The following SLC2A9 variants were observed in gnomAD, a reference collection of about 807,000 sequenced individuals.
The protein encoded by SLC2A9 is solute carrier family 2, facilitated glucose transporter member 9.
In SLC2A9, 39 loss-of-function variants were observed where a neutral mutation model predicts 50.6. That is an observed-to-expected ratio of 0.77 (90% CI 0.60 to 1.01). The LOEUF is 1.01. SLC2A9 is among the 50% of genes least tolerant of loss of function. The probability of loss-of-function intolerance (pLI) is 0.00; values close to 1 mark genes in which losing one functional copy is unlikely to be tolerated. For missense variants in SLC2A9, 686 were observed against 677.6 expected (o/e 1.01, Z -0.14); for synonymous variants, 324 against 276.9 (o/e 1.17, Z -1.69).
Position 9,783,655 on chromosome 4 carries a change from C to T in SLC2A9, n.386-3590G>A, listed in dbSNP as rs1005601977. On this transcript the variant is annotated intron_variant and non_coding_transcript_variant, in intron 3 of 3. Transcript: ENST00000503803. ...AATTGGCAGAAGCAGTTGCAATAAA[C>T]TCAGTCAAATGTACCCAGCCTACCA... is the stretch of plus-strand genomic sequence containing the variant. 8.1e-6 allele frequency: 5 copies of T among 620,352 alleles called. No individual in the cohort carries two copies. The African/African-American group carries it at 9.3e-5, about 12-fold the overall frequency. The allele number at this position is 620,352 out of a possible 1,614,324, so 38.4% of individuals were successfully genotyped here.
chr4:9,932,675 C>T (rs1442665251), intron 6 of SLC2A9, among the ~76,000 whole-genome samples: 1 of 152,190 alleles, frequency 6.6e-6, no homozygotes, highest in Non-Finnish European at 1.5e-5. Context: ...TGCACAGGTG[C>T]TGAGATGAAA....
upstream of SLC2A9, chr4:10,026,108 G>C (rs1271978892): frequency 1.3e-6 from 1 of 789,920 alleles, no homozygotes; most frequent in African/African-American, 1.7e-5. Flanking sequence ...TTGCTGTGAG[G>C]AGCTCTGGCT....
intron 3 of SLC2A9, among the ~76,000 whole-genome samples, chr4:9,784,823 G>T (rs1719012667): frequency 6.6e-6 from 1 of 152,200 alleles, no homozygotes; most frequent in Admixed American, 6.5e-5. Context: ...CTGCTTTGAA[G>T]CCGTTTTATC....
intron 8 of SLC2A9, among the ~76,000 whole-genome samples, chr4:9,893,634 C>T (rs924970690): frequency 6.6e-6 from 1 of 152,080 alleles, no homozygotes; most frequent in African/African-American, 2.4e-5. Flanking sequence ...TAAAGCATCC[C>T]TTCCTCTTAG....
intron 3 of SLC2A9, chr4:9,781,572 C>G (rs1385397348): frequency 6.6e-6 from 1 of 151,530 alleles, no homozygotes; most frequent in Non-Finnish European, 1.4e-5. Context: ...GGGAGTCGAG[C>G]GCGGAGGCTC....
At chr4:9,931,944 C>CAATCTCTCTCTCTCTCTA (rs374198516) in intron 6 of SLC2A9, among the ~76,000 whole-genome samples, 1 of 52,730 alleles carries the variant, frequency 1.9e-5, no homozygotes, top group Non-Finnish European at 3.3e-5. Context: ...CTCTCTCTCT[C>CAATCTCTCTCTCTCTCTA]TCTCTCTCTC....
At chr4:9,965,229 C>G (rs1752876751) in intron 5 of SLC2A9, among the ~76,000 whole-genome samples, 1 of 152,186 alleles carries the variant, frequency 6.6e-6, no homozygotes, top group Admixed American at 6.5e-5. Context: ...GTGTGGGGAG[C>G]TGTGATGCAG....
At chr4:9,957,306 C>T (rs936696871) in intron 5 of SLC2A9, among the ~76,000 whole-genome samples, 1 of 152,114 alleles carries the variant, frequency 6.6e-6, no homozygotes, top group African/African-American at 2.4e-5. Context: ...AGAATCCAAA[C>T]CTCCAAAGAG....
At chr4:9,875,284 C>T (rs62293278) in intron 10 of SLC2A9, among the ~76,000 whole-genome samples, 1 of 133,270 alleles carries the variant, frequency 7.5e-6, no homozygotes, top group Admixed American at 7.4e-5. Flanking sequence ...ATAGGTTACT[C>T]TCTGTCTAAG....
At chr4:10,010,243 T>C (rs1441858391) in intron 2 of SLC2A9, among the ~76,000 whole-genome samples, 1 of 152,206 alleles carries the variant, frequency 6.6e-6, no homozygotes, top group African/African-American at 2.4e-5. Context: ...GCTTCCCTGG[T>C]AGACAACACT....
Position 9,853,172 on chromosome 4 carries a change from T to C in SLC2A9, c.1292-18164A>G, listed in dbSNP as rs1240155889. On this transcript the variant is annotated intron_variant, in intron 10 of 11. Coordinates refer to ENST00000264784, the MANE Select transcript of SLC2A9 (RefSeq NM_020041.3). ...GCCTGGGCAACAGAGTGAAACTCCCTCTCAAAAAAAAAAAAAAAAAAGGCA... is the reference window on the plus strand; with the variant it reads ...GCCTGGGCAACAGAGTGAAACTCCCCCTCAAAAAAAAAAAAAAAAAAGGCA... Among the ~76,000 whole-genome samples the C allele has an allele frequency of 1.3e-3, 144 of 114,142 alleles. 1 individual carries two copies. Among genetic ancestry groups the C allele is most frequent in the African/African-American group, 5.0e-3 (126 of 25,134 alleles). 74.9% of individuals were successfully genotyped at this position (114,142 alleles called of 152,430 possible).
At chr4:9,945,640 C>A (rs1001045135) in intron 5 of SLC2A9, among the ~76,000 whole-genome samples, 2 of 152,110 alleles carry the variant, frequency 1.3e-5, no homozygotes, top group Non-Finnish European at 2.9e-5. Flanking sequence ...TACCTAGTGA[C>A]CAGGGAGGAG....
downstream of SLC2A9, among the ~76,000 whole-genome samples, chr4:9,795,464 C>T (rs1375431141): frequency 6.6e-6 from 1 of 152,130 alleles, no homozygotes; most frequent in Non-Finnish European, 1.5e-5. Context: ...TTTGGTGATT[C>T]ATGATCAATC....
At chr4:9,776,531 G>A (rs1717592003), downstream of SLC2A9, among the ~76,000 whole-genome samples, 1 of 152,012 alleles carries the variant, frequency 6.6e-6, no homozygotes, top group Non-Finnish European at 1.5e-5. Context: ...CAGCAAGAGT[G>A]CTTTGAAATG....
chr4:9,998,374 T>C (rs1350808711), intron 2 of SLC2A9, among the ~76,000 whole-genome samples: 1 of 152,222 alleles, frequency 6.6e-6, no homozygotes, highest in Non-Finnish European at 1.5e-5. Flanking sequence ...ACCTTGGTTT[T>C]CTTATCTGCA....
intron 10 of SLC2A9, among the ~76,000 whole-genome samples, chr4:9,855,053 A>G (rs1730519339): frequency 6.6e-6 from 1 of 152,172 alleles, no homozygotes; most frequent in African/African-American, 2.4e-5. Context: ...CTAGAACCAG[A>G]TAAGGCTGCC....
At chr4:9,773,209 G>C (rs563141531) in intron 1 of SLC2A9, among the ~76,000 whole-genome samples, 5 of 152,190 alleles carry the variant, frequency 3.3e-5, no homozygotes, top group Admixed American at 2.6e-4. Flanking sequence ...CTGTGGTTGA[G>C]GTGATGTGGC....
intron 10 of SLC2A9, among the ~76,000 whole-genome samples, chr4:9,843,471 C>T (rs895553411): frequency 6.6e-6 from 1 of 151,580 alleles, no homozygotes; most frequent in Non-Finnish European, 1.5e-5. Flanking sequence ...AGTTAGGGGC[C>T]TGGGGTGAGG....
In SLC2A9 at chr4:9,898,798, G is replaced by A. The variant is rs539360264; in HGVS notation, c.1114-8087C>T. Among the ~76,000 whole-genome samples the A allele has an allele frequency of 2.4e-4, 36 of 152,334 alleles. No individual in the cohort carries two copies. The South Asian group carries it at 6.4e-3, about 27-fold the overall frequency. On this transcript the variant is annotated intron_variant, in intron 8 of 11. Coordinates refer to ENST00000264784, the MANE Select transcript of SLC2A9 (RefSeq NM_020041.3). ...GGTTGGGCTCTGCCTCCCTCAGGAC[G>A]TCCTGTCTGACTGCTCCCTGCAGGG...
Sources: gnomAD v4.1 joint callset for allele counts (sites outside exome capture counted in the v4.1 genomes callset) on GRCh38, gnomAD v4.1.1 for gene constraint, MANE v1.5 for transcripts, NCBI Gene and HGNC (gene_info 2026-07-23, HGNC 2026-07-21) for gene names.